Variants in PDE8B observed in about 807,000 individuals in gnomAD.
The protein encoded by PDE8B is high affinity cAMP-specific and IBMX-insensitive 3',5'-cyclic phosphodiesterase 8B.
A neutral mutation model predicts 101.3 loss-of-function variants in PDE8B; 26 were observed. The ratio of observed to expected loss-of-function variants is 0.26; its 90% CI spans 0.19 to 0.36. The LOEUF (loss-of-function observed/expected upper bound fraction) is 0.36. Among genes scored for constraint, PDE8B ranks in the 10% least tolerant of loss-of-function variants. The probability of loss-of-function intolerance (pLI) is 1.00; values close to 1 mark genes in which losing one functional copy is unlikely to be tolerated. For missense variants in PDE8B, 810 were observed against 1,163.1 expected (o/e 0.70, Z 4.42); for synonymous variants, 424 against 429.3 (o/e 0.99, Z 0.15).
At chr5:77,319,963 A>G (rs1194593649) in intron 2 of PDE8B, among the ~76,000 whole-genome samples, 2 of 149,160 alleles carry the variant, frequency 1.3e-5, no homozygotes, top group African/African-American at 2.6e-5. Flanking sequence ...CAATGTTTCT[A>G]ATATTTTAAG....
At chr5:77,363,297 A>G (rs1783479066) in intron 10 of PDE8B, among the ~76,000 whole-genome samples, 1 of 152,232 alleles carries the variant, frequency 6.6e-6, no homozygotes, top group African/African-American at 2.4e-5. Flanking sequence ...CAATATGGAA[A>G]TAAAGGAAGC....
the PDE8B span, among the ~76,000 whole-genome samples, chr5:77,120,226 C>A: frequency 6.6e-6 from 1 of 152,084 alleles, no homozygotes; most frequent in Admixed American, 6.5e-5. Context: ...AACTAATCTG[C>A]AATGAAGAAA....
At chr5:77,408,454 A>T (rs1793928419) in intron 13 of PDE8B, among the ~76,000 whole-genome samples, 1 of 152,214 alleles carries the variant, frequency 6.6e-6, no homozygotes, top group Admixed American at 6.5e-5. Context: ...CCTGTGAGAT[A>T]TTCCAGTAGG....
intron 10 of PDE8B, among the ~76,000 whole-genome samples, chr5:77,359,728 C>A (rs1581230643): frequency 6.6e-6 from 1 of 152,118 alleles, no homozygotes; most frequent in Non-Finnish European, 1.5e-5. Flanking sequence ...GGGACCCCCA[C>A]CACCCCACCT....
At chr5:77,146,332 C>G in the PDE8B span, 1 of 152,098 alleles carries the variant, frequency 6.6e-6, no homozygotes, top group Non-Finnish European at 1.5e-5. Flanking sequence ...CTCCCACAAT[C>G]CCCACCTCCT....
At chr5:77,107,782 A>T in the PDE8B span, among the ~76,000 whole-genome samples, 1 of 152,224 alleles carries the variant, frequency 6.6e-6, no homozygotes, top group African/African-American at 2.4e-5. Context: ...AGTTCCAAAT[A>T]ATTGCTGAAA....
intron 1 of PDE8B, among the ~76,000 whole-genome samples, chr5:77,260,582 A>ATTTTTTTTT (rs34008487): frequency 1.7e-5 from 2 of 114,942 alleles, no homozygotes; most frequent in African/African-American, 3.4e-5. Context: ...ACTGTGGCTC[A>ATTTTTTTTT]TTTTTTTTTT....
chr5:77,349,611 T>C (rs1780732891), intron 8 of PDE8B, 52 bp downstream of exon 8: 1 of 1,593,924 alleles, frequency 6.3e-7, no homozygotes. Context: ...AATGCACTTT[T>C]TTTTCTGAGT....
chr5:77,398,445 C>T (rs1791543005), intron 10 of PDE8B, among the ~76,000 whole-genome samples: 1 of 151,524 alleles, frequency 6.6e-6, no homozygotes, highest in Non-Finnish European at 1.5e-5. Flanking sequence ...CCTCAGCCTC[C>T]TGAGTAAGCT....
chr5:77,331,523 A>C, intron 5 of PDE8B, 64 bp downstream of exon 5: 1 of 1,257,376 alleles, frequency 8.0e-7, no homozygotes, highest in Non-Finnish European at 1.2e-6. Context: ...CTCTCCCATA[A>C]CAGGGAAGCA....
the PDE8B span, among the ~76,000 whole-genome samples, chr5:77,164,663 G>C: frequency 1.3e-5 from 2 of 152,274 alleles, no homozygotes; most frequent in Non-Finnish European, 2.9e-5. Context: ...CCCAACTCTG[G>C]AAGACTCTCA....
At chr5:77,112,003 A>T in the PDE8B span, 7 of 152,332 alleles carry the variant, frequency 4.6e-5, no homozygotes, top group East Asian at 1.3e-3. Flanking sequence ...TTTAAAAAAA[A>T]ATTAAATTAT....
chr5:77,354,679 C>T (rs1373826282), intron 10 of PDE8B, among the ~76,000 whole-genome samples: 1 of 152,118 alleles, frequency 6.6e-6, no homozygotes, highest in South Asian at 2.1e-4. Context: ...TTCATTCATT[C>T]TCATGCCAGA....
chr5:77,204,221 T>C, the PDE8B span, among the ~76,000 whole-genome samples: 6,762 of 151,692 alleles, frequency 0.045, 228 homozygotes, highest in African/African-American at 0.091. Context: ...AACAGCCTGG[T>C]CAACATGGTT....
At chr5:77,261,401 G>A (rs1188344478) in intron 1 of PDE8B, among the ~76,000 whole-genome samples, 1 of 152,168 alleles carries the variant, frequency 6.6e-6, no homozygotes, top group Non-Finnish European at 1.5e-5. Context: ...GTAGACCAAG[G>A]TTAACCAAGA....
the PDE8B span, chr5:77,113,342 G>T: frequency 6.6e-6 from 1 of 151,896 alleles, no homozygotes; most frequent in African/African-American, 2.4e-5. Context: ...CAGAACAGAG[G>T]CCTCAGAAAT....
chr5:77,233,469 G>A lies in PDE8B; in HGVS notation c.339+22205G>A, dbSNP rs114825900. On this transcript the variant is annotated intron_variant, in intron 1 of 21. Coordinates refer to ENST00000264917, the MANE Select transcript of PDE8B (RefSeq NM_003719.5). The stretch of plus-strand genomic sequence containing the variant: ...ATTGAGGACAAAGTCTTATAGCATT[G>A]TAAGATATCAATGGATGCTGCTTAT... 3.8e-3 allele frequency among the ~76,000 whole-genome samples: 577 copies of A among 152,256 alleles called. 2 individuals carry two copies. The highest frequency in any genetic ancestry group is 0.013 in the African/African-American group (547 of 41,542).
chr5:77,422,322 G>A (rs1012045792), intron 20 of PDE8B, among the ~76,000 whole-genome samples: 3 of 152,160 alleles, frequency 2.0e-5, no homozygotes, highest in African/African-American at 4.8e-5. Context: ...TCTACATGGC[G>A]CGTTATGGGA....
At chr5:77,424,561 C>T (rs190711857) in intron 20 of PDE8B, among the ~76,000 whole-genome samples, 1 of 152,306 alleles carries the variant, frequency 6.6e-6, no homozygotes, top group African/African-American at 2.4e-5. Flanking sequence ...CATAGTTTGA[C>T]AGTCATTCTT....
Sources: allele counts gnomAD v4.1 joint callset (sites outside exome capture counted in the v4.1 genomes callset), GRCh38; gene constraint gnomAD v4.1.1; transcripts MANE v1.5; gene names NCBI Gene and HGNC (gene_info 2026-07-23, HGNC 2026-07-21).